SMAD3: variants seen among roughly 807,000 people sequenced by gnomAD.
SMAD3 encodes the protein MAD homolog 3.
Under a neutral mutation model 51.8 loss-of-function variants are expected in SMAD3, and 12 were observed. The observed-to-expected ratio is 0.23, with a 90% confidence interval of 0.15 to 0.38. The LOEUF is 0.38. Among genes scored for constraint, SMAD3 ranks in the 10% least tolerant of loss-of-function variants. The pLI is 1.00. For missense variants in SMAD3, 294 were observed against 565.6 expected, an observed-to-expected ratio of 0.52 and a Z score of 4.87; for synonymous variants, 238 against 227.7, an observed-to-expected ratio of 1.05 and a Z score of -0.41.
chr15:67,108,191 A>C (rs1433579937), intron 1 of SMAD3, among the ~76,000 whole-genome samples: 1 of 152,152 alleles, frequency 6.6e-6, no homozygotes, highest in Non-Finnish European at 1.5e-5. Flanking sequence ...TGGCAGCTGC[A>C]GACTCTGTGC....
chr15:67,139,435 C>T (rs1443152488), intron 1 of SMAD3, among the ~76,000 whole-genome samples: 1 of 152,138 alleles, frequency 6.6e-6, no homozygotes, highest in African/African-American at 2.4e-5. Flanking sequence ...GAAATCATTT[C>T]TTCCCTAGCC....
chr15:67,170,677 G>A (rs780590636), intron 5 of SMAD3, 73 bp downstream of exon 5: 2 of 1,366,586 alleles, frequency 1.5e-6, no homozygotes, highest in Non-Finnish European at 2.1e-6. Context: ...GTGTGGGGAG[G>A]GGGCCCTGAA....
intron 5 of SMAD3, among the ~76,000 whole-genome samples, chr15:67,175,793 T>G (rs756908248): frequency 6.6e-6 from 1 of 152,202 alleles, no homozygotes; most frequent in South Asian, 2.1e-4. Flanking sequence ...CAGCCCTGAG[T>G]GTGGACGGCG....
intron 1 of SMAD3, among the ~76,000 whole-genome samples, chr15:67,158,157 T>A (rs973662372): frequency 6.6e-6 from 1 of 152,150 alleles, no homozygotes; most frequent in African/African-American, 2.4e-5. Context: ...TAACATCAGC[T>A]CAGAATTAAG....
At chr15:67,130,924 A>T (rs1961510931) in intron 1 of SMAD3, among the ~76,000 whole-genome samples, 1 of 152,194 alleles carries the variant, frequency 6.6e-6, no homozygotes, top group South Asian at 2.1e-4. Flanking sequence ...GGTGGTGGGC[A>T]GCAATTGCAG....
intron 5 of SMAD3, among the ~76,000 whole-genome samples, chr15:67,175,441 A>C (rs1290335352): frequency 6.6e-6 from 1 of 152,120 alleles, no homozygotes; most frequent in Non-Finnish European, 1.5e-5. Context: ...GATTGTGTAG[A>C]CTAGGATGAT....
At chr15:67,146,181 G>A (rs1961969489) in intron 1 of SMAD3, 1 of 152,186 alleles carries the variant, frequency 6.6e-6, no homozygotes, top group Admixed American at 6.5e-5. Context: ...ATATACCAAG[G>A]GGTGCCCAGC....
chr15:67,101,483 C>T (rs556578920), intron 1 of SMAD3, among the ~76,000 whole-genome samples: 1 of 152,288 alleles, frequency 6.6e-6, no homozygotes, highest in South Asian at 2.1e-4. Flanking sequence ...GGTAGGCCTG[C>T]CTGCTCTCTG....
intron 3 of SMAD3, 118 bp downstream of exon 3, chr15:67,165,502 G>C: frequency 7.9e-7 from 1 of 1,271,834 alleles, no homozygotes; most frequent in Non-Finnish European, 1.1e-6. Flanking sequence ...CCCTCTTTGC[G>C]CACAGCTCTG....
intron 5 of SMAD3, among the ~76,000 whole-genome samples, chr15:67,173,696 T>G (rs1035551086): frequency 6.6e-6 from 1 of 152,116 alleles, no homozygotes; most frequent in Non-Finnish European, 1.5e-5. Context: ...GGCCACTGTG[T>G]GGAATCTAAA....
intron 1 of SMAD3, among the ~76,000 whole-genome samples, chr15:67,154,033 C>T (rs1320008678): frequency 1.3e-5 from 2 of 152,236 alleles, no homozygotes; most frequent in Non-Finnish European, 2.9e-5. Flanking sequence ...TGGCTTCCCC[C>T]TCCAAGGATC....
chr15:67,117,790 C>G (rs1031627985), intron 1 of SMAD3, among the ~76,000 whole-genome samples: 1 of 152,188 alleles, frequency 6.6e-6, no homozygotes, highest in Non-Finnish European at 1.5e-5. Flanking sequence ...ACAGAACTCT[C>G]TAGTAAGAGT....
chr15:67,146,933 T>G (rs1420558011), intron 1 of SMAD3: 1 of 152,158 alleles, frequency 6.6e-6, no homozygotes, highest in Admixed American at 6.5e-5. Context: ...CAGGCAGAGT[T>G]GAAAGGGTGT....
chr15:67,141,097 A>G (rs1488373639), intron 1 of SMAD3, among the ~76,000 whole-genome samples: 1 of 152,166 alleles, frequency 6.6e-6, no homozygotes, highest in East Asian at 1.9e-4. Context: ...GCCCAGACCG[A>G]TCAATTGATG....
intron 8 of SMAD3, among the ~76,000 whole-genome samples, chr15:67,188,357 C>T (rs139206681): frequency 6.6e-6 from 1 of 151,964 alleles, no homozygotes; most frequent in East Asian, 1.9e-4. Context: ...AGGGTGGTCT[C>T]GAACTCCTGA....
intron 1 of SMAD3, among the ~76,000 whole-genome samples, chr15:67,135,545 A>G (rs976775542): frequency 1.5e-5 from 2 of 136,422 alleles, no homozygotes; most frequent in African/African-American, 5.1e-5. Flanking sequence ...CCTTCCACTT[A>G]ATTGTTTTTT....
intron 1 of SMAD3, among the ~76,000 whole-genome samples, chr15:67,112,076 C>T (rs180825190): frequency 4.6e-5 from 7 of 152,056 alleles, no homozygotes; most frequent in East Asian, 1.9e-4. Context: ...GCATAGCCAC[C>T]GCACCTGGCC....
intron 1 of SMAD3, among the ~76,000 whole-genome samples, chr15:67,093,086 T>A (rs1453895152): frequency 6.6e-6 from 1 of 152,158 alleles, no homozygotes; most frequent in Non-Finnish European, 1.5e-5. Context: ...TTGTAAATGG[T>A]GCTCATCTAA....
chr15:67,123,188 C>CAAAAAAA (rs34458678), intron 1 of SMAD3, among the ~76,000 whole-genome samples: 1 of 93,794 alleles, frequency 1.1e-5, no homozygotes, highest in African/African-American at 4.2e-5. Context: ...GACCCTGTCT[C>CAAAAAAA]AAAAAAAAAA....
Sources: gnomAD v4.1 joint callset for allele counts (sites outside exome capture counted in the v4.1 genomes callset) on GRCh38, gnomAD v4.1.1 for gene constraint, MANE v1.5 for transcripts, NCBI Gene and HGNC (gene_info 2026-07-23, HGNC 2026-07-21) for gene names.